NAV1: variants seen among roughly 807,000 people sequenced by gnomAD.
NAV1 encodes the protein pore membrane and/or filament interacting like protein 3.
A neutral mutation model predicts 175.2 loss-of-function variants in NAV1; 18 were observed. That is an observed-to-expected ratio of 0.10 (90% CI 0.07 to 0.15). The LOEUF (loss-of-function observed/expected upper bound fraction) is 0.15, where lower values mean the gene tolerates loss of function less well. Ranked by LOEUF, NAV1 falls within the 10% of genes least tolerant of loss-of-function variation. The pLI is 1.00. For missense variants in NAV1, 1,731 were observed against 2,436.6 expected (o/e 0.71, Z 6.10); for synonymous variants, 897 against 978.7 (o/e 0.92, Z 1.56).
At chr1:201,564,125 AGGAG>A (rs61111615) in intron 1 of NAV1, among the ~76,000 whole-genome samples, 3 of 148,584 alleles carry the variant, frequency 2.0e-5, no homozygotes, top group Admixed American at 6.7e-5. Flanking sequence ...AAAGGAAAGA[AGGAG>A]GGAGGGAGGG....
At position 201,788,333 on chromosome 1, in the gene NAV1, C is replaced by T. The variant is rs535074220; in HGVS notation, c.2996-135C>T. 8.4e-5 allele frequency: 73 copies of T among 869,596 alleles called. No individual in the cohort carries two copies. The African/African-American group carries it at 1.2e-3, about 14-fold the overall frequency. The allele number at this position is 869,596 out of a possible 1,614,324, so 53.9% of individuals were successfully genotyped here. The stretch of plus-strand genomic sequence containing the variant: ...ACTCCCACCACCGCACCTGCCCCTT[C>T]CTCTCCTGCCCTCTCCCCATTTGCC... On this transcript the variant is annotated intron_variant, in intron 9 of 29. Coordinates refer to ENST00000367296, the Ensembl canonical transcript of NAV1. The surrounding 1 kb of genome is among the most constrained non-coding windows in gnomAD (Gnocchi z 5.7).
intron 1 of NAV1, among the ~76,000 whole-genome samples, chr1:201,572,059 A>C (rs1251246786): frequency 6.6e-6 from 1 of 152,228 alleles, no homozygotes; most frequent in African/African-American, 2.4e-5. Flanking sequence ...CCTTCCAGAC[A>C]AAAGGTCCTA....
At chr1:201,778,959 C>A (rs665834) in intron 3 of NAV1, among the ~76,000 whole-genome samples, 50,167 of 152,142 alleles carry the variant, frequency 0.33, 9,177 homozygotes, top group Admixed American at 0.43. Flanking sequence ...ACCTACTCTG[C>A]ACACAGATAA....
chr1:201,809,899 C>CTTGTGTTT, intron 22 of NAV1, 47 bp from the exon 27 acceptor site: 1 of 1,556,770 alleles, frequency 6.4e-7, no homozygotes, highest in South Asian at 1.1e-5. Context: ...GGCTTTTACA[C>CTTGTGTTT]CTGTGTTTGT....
chr1:201,791,785 C>A (rs1398382038), intron 13 of NAV1: 1 of 152,214 alleles, frequency 6.6e-6, no homozygotes, highest in Non-Finnish European at 1.5e-5. Context: ...TTTTCCCAAA[C>A]CCTCAATTCA....
intron 2 of NAV1, among the ~76,000 whole-genome samples, chr1:201,633,363 T>C (rs1668530677): frequency 6.6e-6 from 1 of 152,246 alleles, no homozygotes; most frequent in Non-Finnish European, 1.5e-5. Context: ...CTCTGTGTTA[T>C]GGATAGGAAA....
intron 3 of NAV1, among the ~76,000 whole-genome samples, chr1:201,721,434 G>A (rs1672380707): frequency 6.6e-6 from 1 of 152,214 alleles, no homozygotes; most frequent in Non-Finnish European, 1.5e-5. Flanking sequence ...ATGGTTAAGT[G>A]TTGTTGTTGT....
rs1207230501 is a variant in NAV1, at chr1:201,809,595, T to TTA, written c.4401+59_4401+60insAT. The TTA allele has an allele frequency of 4.6e-6, 7 of 1,514,418 alleles. No homozygotes were observed. The East Asian group carries it at 1.4e-4, about 30-fold the overall frequency. The allele number at this position is 1,514,418 out of a possible 1,614,324, so 93.8% of individuals were successfully genotyped here. A position where few individuals can be genotyped will look rare whatever the true frequency, so the allele number is the denominator to read the frequency against. On this transcript the variant is annotated intron_variant, in intron 22 of 29. Transcript: ENST00000367296. ...CATCCTCTCGTGGAATATATATACTTTTTTAGAGACAGGGTCTCACTCTTG... is the reference window on the plus strand; with the variant it reads ...CATCCTCTCGTGGAATATATATACTTTATTTTAGAGACAGGGTCTCACTCTTG...
intron 1 of NAV1, among the ~76,000 whole-genome samples, chr1:201,666,971 A>G (rs1220218935): frequency 6.6e-6 from 1 of 152,150 alleles, no homozygotes; most frequent in East Asian, 1.9e-4. Context: ...CTCCCTCTCC[A>G]TGAAGCCAGG....
chr1:201,712,955 C>A, intron 2 of NAV1, 36 bp downstream of exon 6: 1 of 1,497,654 alleles, frequency 6.7e-7, no homozygotes, highest in Non-Finnish European at 9.3e-7. Context: ...ATGCCCTCTG[C>A]CTTCCTGGCT....
chr1:201,676,551 A>T (rs1670258358), intron 1 of NAV1, among the ~76,000 whole-genome samples: 1 of 151,284 alleles, frequency 6.6e-6, no homozygotes, highest in South Asian at 2.1e-4. Context: ...GCGGCTGGGG[A>T]GAGCTGACTC....
chr1:201,783,796 AGAAGAGACG>A (rs1228967157), exon 7 of NAV1: 1 of 1,614,120 alleles, frequency 6.2e-7, no homozygotes, highest in Non-Finnish European at 8.5e-7. Context: ...CTCCCACAGA[AGAAGAGACG>A]GAAGAGCTGA....
chr1:201,583,340 C>A (rs1666925326), intron 1 of NAV1, among the ~76,000 whole-genome samples: 2 of 152,268 alleles, frequency 1.3e-5, no homozygotes, highest in South Asian at 4.1e-4. Context: ...TGTTAATTGT[C>A]CAAGCCCTCC....
At chr1:201,702,276 A>G (rs1671458592) in intron 1 of NAV1, among the ~76,000 whole-genome samples, 1 of 152,250 alleles carries the variant, frequency 6.6e-6, no homozygotes, top group Admixed American at 6.5e-5. Context: ...TCTTATTGGA[A>G]TGATAAAAAT....
chr1:201,669,392 G>A (rs1669949532), intron 1 of NAV1, among the ~76,000 whole-genome samples: 1 of 152,184 alleles, frequency 6.6e-6, no homozygotes, highest in African/African-American at 2.4e-5. Context: ...GACAGTATGT[G>A]TCAGCACAGA....
chr1:201,778,234 T>G (rs572544374), intron 3 of NAV1, among the ~76,000 whole-genome samples: 2 of 152,326 alleles, frequency 1.3e-5, no homozygotes, highest in East Asian at 3.9e-4. Flanking sequence ...TATTAAACTT[T>G]CCATAAATGT....
At chr1:201,697,235 C>T (rs1671230629) in intron 1 of NAV1, among the ~76,000 whole-genome samples, 1 of 152,152 alleles carries the variant, frequency 6.6e-6, no homozygotes, top group Non-Finnish European at 1.5e-5. Flanking sequence ...TGGGCCGAGT[C>T]ACAGGGTCCC....
At chr1:201,746,755 C>A (rs974912191) in intron 3 of NAV1, among the ~76,000 whole-genome samples, 1 of 152,096 alleles carries the variant, frequency 6.6e-6, no homozygotes, top group African/African-American at 2.4e-5. Flanking sequence ...AATCCCAGCA[C>A]TTTGGGAGGC....
intron 1 of NAV1, among the ~76,000 whole-genome samples, chr1:201,552,814 A>G (rs1277067978): frequency 2.0e-5 from 3 of 152,202 alleles, no homozygotes; most frequent in Non-Finnish European, 4.4e-5. Flanking sequence ...ATTTAGCCCC[A>G]GCCATGCAGA....
Sources: allele counts gnomAD v4.1 joint callset (sites outside exome capture counted in the v4.1 genomes callset), GRCh38; gene constraint gnomAD v4.1.1; non-coding constraint Gnocchi (gnomAD v3.1); transcripts MANE v1.5; gene names NCBI Gene and HGNC (gene_info 2026-07-23, HGNC 2026-07-21).